Variants in TNFRSF8 observed in about 807,000 individuals in gnomAD.
TNFRSF8 encodes TNF receptor superfamily member 8.
Under a neutral mutation model 70.8 loss-of-function variants are expected in TNFRSF8, and 26 were observed. The observed-to-expected ratio is 0.37, with a 90% CI of 0.27 to 0.51. The LOEUF (loss-of-function observed/expected upper bound fraction) is 0.51, where lower values mean the gene tolerates loss of function less well. TNFRSF8 is among the 20% of genes least tolerant of loss of function. The pLI, the probability that TNFRSF8 is intolerant of heterozygous loss-of-function variation, is 0.94. For synonymous variants in TNFRSF8, 356 were observed against 339.2 expected, an observed-to-expected ratio of 1.05 and a Z score of -0.54; for missense variants, 720 against 807.9, an observed-to-expected ratio of 0.89 and a Z score of 1.32.
rs770428496 is a variant in TNFRSF8 at position 12,109,551 on chromosome 1, C to T, written c.422-15C>T. On this transcript the variant is annotated splice_polypyrimidine_tract_variant and intron_variant, in intron 4 of 14. Coordinates refer to ENST00000263932, the MANE Select transcript of TNFRSF8 (RefSeq NM_001243.5). The surrounding 1 kb of genome is among the most constrained non-coding windows in gnomAD (Gnocchi z 4.4). ...CCCAACACTGATTCTGAAGGCACTG[C>T]TGTCCCCCCTGCAGGCACGGCGCAG... 1.2e-6 allele frequency: 2 copies of T among 1,610,842 alleles called. No homozygotes were observed. The highest frequency in any genetic ancestry group is 1.7e-6 in the Non-Finnish European group (2 of 1,177,746).
chr1:12,064,138 G>T (rs1356052271), intron 1 of TNFRSF8, among the ~76,000 whole-genome samples: 2 of 152,194 alleles, frequency 1.3e-5, no homozygotes, highest in Non-Finnish European at 2.9e-5. Context: ...TCAAGGAAAG[G>T]AGGGAGAGTT....
Position 12,142,649 on chromosome 1 carries a change from A to G in TNFRSF8, c.*118A>G, listed in dbSNP as rs555307313. ...ATCTGGCCTGAACTGAGGCTCCAGC[A>G]TCTAGTGGTGGACCGGCCGGTCACT... On this transcript the variant is annotated 3_prime_UTR_variant, in exon 15 of 15. Transcript: ENST00000263932. This position sits in a 1 kb window ranked among gnomAD's most constrained non-coding sequence, Gnocchi z 5.0. 140 of 1,358,920 alleles carry G rather than the reference A, an allele frequency of 1.0e-4. No individual in the cohort carries two copies. Among genetic ancestry groups the G allele is most frequent in the African/African-American group, 7.0e-4 (48 of 68,620 alleles). The allele number at this position is 1,358,920 out of a possible 1,614,324, so 84.2% of individuals were successfully genotyped here.
At position 12,112,298 on chromosome 1, in the gene TNFRSF8, C is replaced by A. The variant is rs1182985575; in HGVS notation, c.793+284C>A. ...GAGGCTTTGGGAAGTCAGGGAACTTCCAAGGGCTGTGGGCTGGAGTTTGAA... is the reference window on the plus strand; with the variant it reads ...GAGGCTTTGGGAAGTCAGGGAACTTACAAGGGCTGTGGGCTGGAGTTTGAA... On this transcript the variant is annotated intron_variant, in intron 7 of 14. Coordinates refer to ENST00000263932, the MANE Select transcript of TNFRSF8 (RefSeq NM_001243.5). This position sits in a 1 kb window ranked among gnomAD's most constrained non-coding sequence, Gnocchi z 5.3. Among the ~76,000 whole-genome samples the A allele has an allele frequency of 3.3e-5, 5 of 152,150 alleles. No individual in the cohort carries two copies. Among genetic ancestry groups the A allele is most frequent in the Non-Finnish European group, 7.4e-5 (5 of 68,020 alleles).
intron 2 of TNFRSF8, among the ~76,000 whole-genome samples, chr1:12,089,512 T>C (rs560510461): frequency 3.6e-4 from 55 of 152,068 alleles, no homozygotes; most frequent in Non-Finnish European, 6.8e-4. Context: ...TCCACCAGGG[T>C]TCTTTTGTAT....
intron 4 of TNFRSF8, 54 bp downstream of exon 4, chr1:12,104,585 C>T: frequency 6.2e-7 from 1 of 1,604,228 alleles, no homozygotes; most frequent in Non-Finnish European, 8.5e-7. Context: ...TGCTGCTGCA[C>T]CTTCCGCCCA....
At chr1:12,090,773 CT>C (rs1199074062) in intron 2 of TNFRSF8, among the ~76,000 whole-genome samples, 1 of 152,134 alleles carries the variant, frequency 6.6e-6, no homozygotes, top group African/African-American at 2.4e-5. Flanking sequence ...ACTTTTCTAC[CT>C]GCTTGTAAGA....
chr1:12,138,358 A>T lies in TNFRSF8; in HGVS notation c.1465A>T (p.Ser489Cys). 6.2e-7 allele frequency: 1 copy of T among 1,613,750 alleles called. No individual in the cohort carries two copies. The highest frequency in any genetic ancestry group is 8.5e-7 in the Non-Finnish European group (1 of 1,179,916). The change falls in exon 14 of 15, where the codon AGC (serine) becomes TGC (cysteine). Residue 489 changes from serine to cysteine, a missense_variant. By Grantham distance (112) the Ser-to-Cys change is moderately radical (BLOSUM62 -1). Coordinates refer to ENST00000263932, the MANE Select transcript of TNFRSF8 (RefSeq NM_001243.5). The surrounding 1 kb of genome is among the most constrained non-coding windows in gnomAD (Gnocchi z 5.7). ...GGAGAGCCTGCCGCTGCAGGATGCC[A>T]GCCCGGCCGGGGGCCCCTCGTCCCC... ...YLESLPLQDA[S>C]PAGGPSSPRD...
chr1:12,084,430 C>T, intron 1 of TNFRSF8, 34 bp from the exon 2 acceptor site: 1 of 1,594,494 alleles, frequency 6.3e-7, no homozygotes, highest in Non-Finnish European at 8.6e-7. Flanking sequence ...TATCTGGGAT[C>T]CACCTGGCCT....
chr1:12,119,414 C>T lies in TNFRSF8; in HGVS notation c.946+3685C>T, dbSNP rs1022719358. ...TAGACTTCAGGTCAAAAGGACCTAC[C>T]AAGAGCAAAGCAGGATTAATGGAAA... On this transcript the variant is annotated intron_variant, in intron 8 of 14. Coordinates refer to ENST00000263932, the MANE Select transcript of TNFRSF8 (RefSeq NM_001243.5). This position sits in a 1 kb window ranked among gnomAD's most constrained non-coding sequence, Gnocchi z 4.4. 2.0e-5 allele frequency among the ~76,000 whole-genome samples: 3 copies of T among 152,184 alleles called. No individual in the cohort carries two copies. Among genetic ancestry groups the T allele is most frequent in the South Asian group, 2.1e-4 (1 of 4,818 alleles).
chr1:12,112,487 T>C lies in TNFRSF8; in HGVS notation c.793+473T>C, dbSNP rs550756110. Among the ~76,000 whole-genome samples the C allele has an allele frequency of 3.0e-4, 45 of 151,944 alleles. 1 individual carries two copies. Among genetic ancestry groups the C allele is most frequent in the Middle Eastern group, 3.4e-3 (1 of 294 alleles). On this transcript the variant is annotated intron_variant, in intron 7 of 14. Coordinates refer to ENST00000263932, the MANE Select transcript of TNFRSF8 (RefSeq NM_001243.5). The surrounding 1 kb of genome is among the most constrained non-coding windows in gnomAD (Gnocchi z 5.3). Reference sequence around the variant, plus strand: ...TCCCTGCAGCTGTGACCTCCCAGGATCACATGATCCTTTTGCCTCAGCCTT... The same window carrying C: ...TCCCTGCAGCTGTGACCTCCCAGGACCACATGATCCTTTTGCCTCAGCCTT...
intron 4 of TNFRSF8, among the ~76,000 whole-genome samples, chr1:12,107,838 T>C (rs1319228555): frequency 6.6e-6 from 1 of 152,176 alleles, no homozygotes; most frequent in Non-Finnish European, 1.5e-5. Flanking sequence ...GAGCCTTCAC[T>C]GGCTGTCTCT....
chr1:12,142,198 G>A lies in TNFRSF8; in HGVS notation c.1544-89G>A. 1 of 1,467,968 alleles carries A rather than the reference G, an allele frequency of 6.8e-7. No individual in the cohort carries two copies. The highest frequency in any genetic ancestry group is 9.1e-7 in the Non-Finnish European group (1 of 1,103,456). The allele number at this position is 1,467,968 out of a possible 1,614,324, so 90.9% of individuals were successfully genotyped here. On this transcript the variant is annotated intron_variant, in intron 14 of 14. Transcript: ENST00000263932. This position sits in a 1 kb window ranked among gnomAD's most constrained non-coding sequence, Gnocchi z 5.0. The stretch of plus-strand genomic sequence containing the variant: ...CTGAAGCCACCCGGCAGGTGTACCA[G>A]CACTGGGCCTCGGCCCTTCTCTGCC...
At chr1:12,104,794 G>C (rs1641491228) in intron 4 of TNFRSF8, among the ~76,000 whole-genome samples, 1 of 152,142 alleles carries the variant, frequency 6.6e-6, no homozygotes, top group Non-Finnish European at 1.5e-5. Context: ...TTGGTTTGAG[G>C]CTCAAGGCAG....
intron 1 of TNFRSF8, among the ~76,000 whole-genome samples, chr1:12,071,920 C>T (rs777859652): frequency 2.0e-5 from 3 of 152,176 alleles, no homozygotes; most frequent in Non-Finnish European, 2.9e-5. Context: ...TGGTTTCGAA[C>T]TCCTGACCTC....
chr1:12,126,265 C>A, intron 12 of TNFRSF8, 29 bp downstream of exon 12: 1 of 1,613,976 alleles, frequency 6.2e-7, no homozygotes, highest in South Asian at 1.1e-5. Context: ...AAAGGGGCTG[C>A]CCGAGCCAGA....
chr1:12,071,654 C>G (rs1005666405), intron 1 of TNFRSF8, among the ~76,000 whole-genome samples: 3 of 152,018 alleles, frequency 2.0e-5, no homozygotes, highest in African/African-American at 7.2e-5. Flanking sequence ...ACCTCCACCT[C>G]CTGGGTTCAA....
intron 12 of TNFRSF8, among the ~76,000 whole-genome samples, chr1:12,129,999 G>A (rs1254540901): frequency 1.3e-5 from 2 of 152,050 alleles, no homozygotes; most frequent in African/African-American, 4.8e-5. Context: ...CCGCCTCCTG[G>A]GTTCAAGCAA....
At chr1:12,097,958 TTTCTGAGAGATG>T (rs540327865) in intron 3 of TNFRSF8, among the ~76,000 whole-genome samples, 94 of 152,368 alleles carry the variant, frequency 6.2e-4, no homozygotes, top group Non-Finnish European at 1.2e-3. Flanking sequence ...ATCACCTTTA[TTTCTGAGAGATG>T]TGTTAAAATC....
intron 1 of TNFRSF8, among the ~76,000 whole-genome samples, chr1:12,070,455 C>T (rs1252796161): frequency 3.3e-5 from 5 of 152,026 alleles, no homozygotes; most frequent in Non-Finnish European, 5.9e-5. Context: ...AGGGTTTCAC[C>T]GTGTCAGCCA....
Sources: gnomAD v4.1 joint callset for allele counts (sites outside exome capture counted in the v4.1 genomes callset) on GRCh38, gnomAD v4.1.1 for gene constraint, Gnocchi (gnomAD v3.1) non-coding constraint, MANE v1.5 for transcripts, NCBI Gene and HGNC (gene_info 2026-07-23, HGNC 2026-07-21) for gene names.